The following CNBD1 variants were observed in gnomAD, a reference collection of about 807,000 sequenced individuals.
The protein encoded by CNBD1 is cyclic nucleotide binding domain containing 1.
A neutral mutation model predicts 54.4 loss-of-function variants in CNBD1; 71 were observed. That is an observed-to-expected ratio of 1.30 (90% CI 1.08 to 1.59). The LOEUF (loss-of-function observed/expected upper bound fraction) is 1.59, where lower values mean the gene tolerates loss of function less well. Ranked by LOEUF, CNBD1 falls within the 40% of genes most tolerant of loss-of-function variation. The pLI is 0.00. For synonymous variants in CNBD1, 182 were observed against 170.7 expected, an observed-to-expected ratio of 1.07 and a Z score of -0.51; for missense variants, 659 against 518.0, an observed-to-expected ratio of 1.27 and a Z score of -2.64.
chr8:87,357,848 A>G (rs1251041507), intron 10 of CNBD1, among the ~76,000 whole-genome samples: 2 of 152,112 alleles, frequency 1.3e-5, no homozygotes, highest in African/African-American at 4.8e-5. Flanking sequence ...GGTGATCCTC[A>G]TTGTTAGAGG....
intron 4 of CNBD1, among the ~76,000 whole-genome samples, chr8:87,156,789 T>C (rs1377846199): frequency 1.3e-5 from 2 of 152,088 alleles, no homozygotes; most frequent in Admixed American, 6.5e-5. Context: ...AAGGGTCAAA[T>C]TCAGGAGCAT....
chr8:87,284,293 ATTT>A (rs557673497), intron 6 of CNBD1, among the ~76,000 whole-genome samples: 424 of 152,216 alleles, frequency 2.8e-3, no homozygotes, highest in African/African-American at 9.5e-3. Flanking sequence ...CATTTTATTC[ATTT>A]TTGTTATTAC....
intron 2 of CNBD1, among the ~76,000 whole-genome samples, chr8:87,397,605 G>A (rs561401971): frequency 6.6e-6 from 1 of 152,028 alleles, no homozygotes; most frequent in African/African-American, 2.4e-5. Context: ...ACAGTATTCA[G>A]AATTCATGTA....
chr8:86,897,425 A>G (rs188593535), intron 2 of CNBD1, among the ~76,000 whole-genome samples: 20 of 152,192 alleles, frequency 1.3e-4, no homozygotes, highest in African/African-American at 4.8e-4. Flanking sequence ...GAAAGAGCAG[A>G]CATGGTATGG....
intron 2 of CNBD1, among the ~76,000 whole-genome samples, chr8:87,389,931 A>G (rs527869172): frequency 6.6e-6 from 1 of 152,298 alleles, no homozygotes; most frequent in East Asian, 1.9e-4. Flanking sequence ...CAGAGCCCTC[A>G]GAAATAATGC....
intron 4 of CNBD1, among the ~76,000 whole-genome samples, chr8:87,034,853 A>G (rs1037092025): frequency 6.6e-6 from 1 of 152,168 alleles, no homozygotes; most frequent in Non-Finnish European, 1.5e-5. Flanking sequence ...TCAAGGATCA[A>G]CTATATACAT....
At chr8:86,878,522 C>T (rs1372379594) in intron 1 of CNBD1, among the ~76,000 whole-genome samples, 1 of 151,422 alleles carries the variant, frequency 6.6e-6, no homozygotes, top group Non-Finnish European at 1.5e-5. Context: ...AGATCAGCTG[C>T]TTCTATGTTG....
At chr8:87,417,944 G>A (rs1035686381) in intron 2 of CNBD1, among the ~76,000 whole-genome samples, 6 of 151,842 alleles carry the variant, frequency 4.0e-5, no homozygotes, top group African/African-American at 1.2e-4. Context: ...TTTATGAATT[G>A]GAAGATTTAC....
At chr8:87,374,233 C>T (rs1256280794) in intron 10 of CNBD1, among the ~76,000 whole-genome samples, 1 of 151,758 alleles carries the variant, frequency 6.6e-6, no homozygotes, top group African/African-American at 2.4e-5. Context: ...TGCACTTCAT[C>T]TGTCTTTTAC....
chr8:87,215,802 T>G (rs1257058078), intron 5 of CNBD1, among the ~76,000 whole-genome samples: 2 of 152,158 alleles, frequency 1.3e-5, no homozygotes, highest in African/African-American at 4.8e-5. Context: ...TTTAGCACAT[T>G]AAAAATATTT....
At chr8:87,414,619 A>G (rs936389036) in intron 2 of CNBD1, among the ~76,000 whole-genome samples, 3 of 152,192 alleles carry the variant, frequency 2.0e-5, no homozygotes, top group South Asian at 2.1e-4. Flanking sequence ...TACAACTTAT[A>G]TCATGTAACA....
chr8:87,209,365 G>T (rs1814045288), intron 5 of CNBD1, among the ~76,000 whole-genome samples: 1 of 152,038 alleles, frequency 6.6e-6, no homozygotes, highest in South Asian at 2.1e-4. Flanking sequence ...ACAAAAATTA[G>T]TAGTGTTTCT....
intron 8 of CNBD1, among the ~76,000 whole-genome samples, chr8:87,334,723 TC>T (rs377596239): frequency 0.032 from 3,159 of 100,066 alleles, 185 homozygotes; most frequent in African/African-American, 0.15. Context: ...TTTTTTCTTT[TC>T]TTTTTTTTTT....
intron 10 of CNBD1, among the ~76,000 whole-genome samples, chr8:87,364,551 A>G (rs987104647): frequency 2.6e-5 from 4 of 151,868 alleles, no homozygotes; most frequent in African/African-American, 9.7e-5. Flanking sequence ...AGGTAAACTC[A>G]TGACTCAGTG....
At chr8:87,404,102 G>A (rs929413949) in intron 2 of CNBD1, among the ~76,000 whole-genome samples, 1 of 152,040 alleles carries the variant, frequency 6.6e-6, no homozygotes, top group Non-Finnish European at 1.5e-5. Context: ...TTCAGGGAAG[G>A]TATTAGATCA....
intron 8 of CNBD1, among the ~76,000 whole-genome samples, chr8:87,333,673 A>T (rs771685386): frequency 6.6e-6 from 1 of 152,038 alleles, no homozygotes; most frequent in South Asian, 2.1e-4. Context: ...GTGATGGATT[A>T]TGTTTATTGA....
intron 4 of CNBD1, among the ~76,000 whole-genome samples, chr8:87,170,023 A>C (rs899127377): frequency 1.3e-5 from 2 of 152,102 alleles, no homozygotes; most frequent in Non-Finnish European, 2.9e-5. Flanking sequence ...CATTTTAACA[A>C]TTTTGATTCT....
At chr8:87,305,171 G>GA (rs922647548) in intron 8 of CNBD1, among the ~76,000 whole-genome samples, 2 of 151,698 alleles carry the variant, frequency 1.3e-5, no homozygotes, top group African/African-American at 2.4e-5. Context: ...TGCAAAAAAA[G>GA]AAAAAATACT....
chr8:87,141,439 G>C (rs1812367784), intron 4 of CNBD1, among the ~76,000 whole-genome samples: 1 of 152,098 alleles, frequency 6.6e-6, no homozygotes, highest in Admixed American at 6.6e-5. Flanking sequence ...TTCAATTACT[G>C]TGCAGACCTA....
Sources: gnomAD v4.1 joint callset for allele counts (sites outside exome capture counted in the v4.1 genomes callset) on GRCh38, gnomAD v4.1.1 for gene constraint, MANE v1.5 for transcripts, NCBI Gene and HGNC (gene_info 2026-07-23, HGNC 2026-07-21) for gene names.